Variants in MPP3 observed in about 807,000 individuals in gnomAD.
MPP3 encodes MAGUK p55 subfamily member 3.
Under a neutral mutation model 80.7 loss-of-function variants are expected in MPP3, and 48 were observed. That is an observed-to-expected ratio of 0.59 (90% CI 0.47 to 0.76). The LOEUF is 0.76. MPP3 is among the 30% of genes least tolerant of loss of function. The pLI is 0.00. For synonymous variants in MPP3, 311 were observed against 297.6 expected (o/e 1.04, Z -0.46); for missense variants, 620 against 763.0 (o/e 0.81, Z 2.21).
At position 43,831,608 on chromosome 17, in the gene MPP3, C is replaced by T. The variant is rs200393831; in HGVS notation, c.95G>A (p.Gly32Asp). Residue 32 changes from glycine (G) to aspartate (D), a missense_variant, in exon 4 of 20, where the codon GGC (glycine) becomes GAC (aspartate). Physicochemically the swap from Gly to Asp is moderately conservative, Grantham distance 94. Transcript: ENST00000398389. ...RPDSNHKEEM[G>D]FLRDVFSEKS... ...TTCACTGAAAACATCCCTCAGGAAG[C>T]CCATCTCCTCCTTGTGGTTGGAGTC... is the stretch of plus-strand genomic sequence containing the variant. 1.9e-6 allele frequency: 3 copies of T among 1,613,914 alleles called. No homozygotes were observed. Among genetic ancestry groups the T allele is most frequent in the African/African-American group, 2.7e-5 (2 of 75,024 alleles).
rs971682322 is a variant in MPP3 at position 43,832,366 on chromosome 17, C to A, written c.-38+395G>T. 18 of 207,228 alleles carry A rather than the reference C, an allele frequency of 8.7e-5. 1 individual carries two copies. The highest frequency in any genetic ancestry group is 4.3e-4 in the South Asian group (6 of 13,910). 12.8% of individuals were successfully genotyped at this position (207,228 alleles called of 1,614,324 possible). A position where few individuals can be genotyped will look rare whatever the true frequency, so the allele number is the denominator to read the frequency against. ...CGCAGCGCGCCCCCTCCACTGCAACCTTCTAAGAGCCCTGGCTCAAGTCTC... is the reference window on the plus strand; with the variant it reads ...CGCAGCGCGCCCCCTCCACTGCAACATTCTAAGAGCCCTGGCTCAAGTCTC... On this transcript the variant is annotated intron_variant, in intron 2 of 19. Coordinates refer to ENST00000398389, the MANE Select transcript of MPP3 (RefSeq NM_001932.6).
intron 19 of MPP3, among the ~76,000 whole-genome samples, chr17:43,804,497 A>G (rs2044534658): frequency 6.6e-6 from 1 of 152,228 alleles, no homozygotes. Context: ...CATGCAAAGA[A>G]TGAAGTTGGA....
intron 3 of MPP3, 28 bp from the exon 4 acceptor site, chr17:43,831,705 T>TA (rs757188887): frequency 1.3e-5 from 20 of 1,573,760 alleles, no homozygotes; most frequent in Non-Finnish European, 1.3e-5. Context: ...AAACAAAGGA[T>TA]AGCAAACGCA....
Position 43,832,055 on chromosome 17 carries a change from G to A in MPP3, c.-37-112C>T, listed in dbSNP as rs530986078. ...AGACCAGGCTGTGGACAGAGAGGAT[G>A]GGAACAAATAACTCTGCTTACTTTT... On this transcript the variant is annotated intron_variant, in intron 2 of 19. Coordinates refer to ENST00000398389, the MANE Select transcript of MPP3 (RefSeq NM_001932.6). The A allele has an allele frequency of 2.4e-4, 173 of 727,788 alleles. 2 individuals carry two copies. Among genetic ancestry groups the A allele is most frequent in the South Asian group, 2.2e-3 (139 of 62,736 alleles). The allele number at this position is 727,788 out of a possible 1,614,324, so 45.1% of individuals were successfully genotyped here.
At chr17:43,827,195 T>C (rs2045743717) in intron 8 of MPP3, among the ~76,000 whole-genome samples, 1 of 152,110 alleles carries the variant, frequency 6.6e-6, no homozygotes, top group Non-Finnish European at 1.5e-5. Flanking sequence ...TTTGTATTTT[T>C]AGTAGAGATG....
chr17:43,801,707 G>A lies in MPP3; in HGVS notation c.1752C>T (p.Val584=). The change falls in exon 20 of 20, where the codon GTC becomes GTT. Residue 584 remains valine (V), a synonymous_variant. Transcript: ENST00000398389. The part of the protein sequence containing the change: ...KDTHWVPVSW[V]R ...TGGATGTTCTGGGATAAAGTTACCT[G>A]ACCCAACTAACAGGTACCCAGTGAG... 1 of 1,614,000 alleles carries A rather than the reference G, an allele frequency of 6.2e-7. No individual in the cohort carries two copies. The highest frequency in any genetic ancestry group is 8.5e-7 in the Non-Finnish European group (1 of 1,179,944).
intron 5 of MPP3, among the ~76,000 whole-genome samples, 170 bp from the exon 6 acceptor site, chr17:43,830,277 C>G (rs2045904659): frequency 6.6e-6 from 1 of 152,194 alleles, no homozygotes; most frequent in South Asian, 2.1e-4. Context: ...GGGTCAGGAG[C>G]AGCTCTATGG....
At chr17:43,806,037 T>A (rs2044598133) in intron 19 of MPP3, among the ~76,000 whole-genome samples, 1 of 152,244 alleles carries the variant, frequency 6.6e-6, no homozygotes, top group Non-Finnish European at 1.5e-5. Flanking sequence ...GAGAATTGCC[T>A]TTAGCGTTTT....
rs1293536125 is a variant in MPP3 at position 43,829,527 on chromosome 17, G to C, written c.441+127C>G. ...GCACACAGAGGCACCACAGGGATGA[G>C]CAGCAGCGCAGGCAAAGCTGCCGTC... On this transcript the variant is annotated intron_variant, in intron 7 of 19. Transcript: ENST00000398389. 3 of 1,101,146 alleles carry C rather than the reference G, an allele frequency of 2.7e-6. No homozygotes were observed. The East Asian group carries it at 7.7e-5, about 28-fold the overall frequency. The allele number at this position is 1,101,146 out of a possible 1,614,324, so 68.2% of individuals were successfully genotyped here. A position where few individuals can be genotyped will look rare whatever the true frequency, so the allele number is the denominator to read the frequency against.
intron 8 of MPP3, among the ~76,000 whole-genome samples, chr17:43,826,577 G>A (rs1288550759): frequency 6.6e-6 from 1 of 152,144 alleles, no homozygotes; most frequent in Non-Finnish European, 1.5e-5. Context: ...TTGTCTCCCA[G>A]CTTAGTAGCT....
intron 11 of MPP3, 119 bp from the exon 12 acceptor site, chr17:43,818,229 A>G: frequency 2.4e-6 from 2 of 824,816 alleles, no homozygotes; most frequent in Non-Finnish European, 3.5e-6. Context: ...CACACACTGG[A>G]CACTCTGAGG....
chr17:43,814,399 C>T, intron 14 of MPP3, 38 bp from the exon 15 acceptor site: 2 of 1,555,058 alleles, frequency 1.3e-6, no homozygotes, highest in Middle Eastern at 1.7e-4. Context: ...TGGCATTTGT[C>T]CCAGTTGTCC....
chr17:43,820,639 C>CACAT (rs796095687), intron 11 of MPP3, among the ~76,000 whole-genome samples: 14 of 145,368 alleles, frequency 9.6e-5, no homozygotes, highest in Non-Finnish European at 1.5e-4. Flanking sequence ...CACACACACA[C>CACAT]ATTAACTTAA....
intron 18 of MPP3, among the ~76,000 whole-genome samples, chr17:43,810,437 G>A (rs1302951450): frequency 6.6e-6 from 1 of 152,054 alleles, no homozygotes; most frequent in African/African-American, 2.4e-5. Context: ...GGGAGGGGGA[G>A]GCCTGGCACC....
At chr17:43,805,623 A>G (rs1466027890) in intron 19 of MPP3, among the ~76,000 whole-genome samples, 2 of 152,250 alleles carry the variant, frequency 1.3e-5, no homozygotes, top group Non-Finnish European at 2.9e-5. Flanking sequence ...CCATAAAAAA[A>G]GAATGAAGTA....
intron 6 of MPP3, 78 bp from the exon 7 acceptor site, chr17:43,829,869 G>A: frequency 6.3e-7 from 1 of 1,599,596 alleles, no homozygotes; most frequent in Non-Finnish European, 8.5e-7. Context: ...CGGTGGTATG[G>A]AGGGTGGCAG....
At position 43,831,252 on chromosome 17, in the gene MPP3, C is replaced by T. The variant is rs375165115; in HGVS notation, c.214G>A (p.Ala72Thr). ...TPVLHSAVAL[A>T]EDVMEELQAA... ...AGAAACCTGGGGCTTACGTCCTCAG[C>T]GAGGGCCACAGCGCTGTGCAGAACT... Residue 72 changes from alanine to threonine, a missense_variant, in exon 5 of 20, where the codon GCT (alanine) becomes ACT (threonine). By Grantham distance (58) the Ala-to-Thr change is moderately conservative (BLOSUM62 0). Transcript: ENST00000398389. 14 of 1,613,872 alleles carry T rather than the reference C, an allele frequency of 8.7e-6. No individual in the cohort carries two copies. Among genetic ancestry groups the T allele is most frequent in the Middle Eastern group, 1.6e-4 (1 of 6,082 alleles).
intron 9 of MPP3, chr17:43,825,440 C>G (rs1384671441): frequency 3.7e-6 from 1 of 272,512 alleles, no homozygotes; most frequent in African/African-American, 2.2e-5. Context: ...GGTTGCACAG[C>G]TGGAAGGAGG....
intron 19 of MPP3, among the ~76,000 whole-genome samples, chr17:43,807,946 C>A (rs1229409593): frequency 6.6e-6 from 1 of 151,494 alleles, no homozygotes; most frequent in Non-Finnish European, 1.5e-5. Flanking sequence ...GGCAATACAG[C>A]AAGATCCTGT....
Sources: gnomAD v4.1 joint callset for allele counts (sites outside exome capture counted in the v4.1 genomes callset) on GRCh38, gnomAD v4.1.1 for gene constraint, MANE v1.5 for transcripts, NCBI Gene and HGNC (gene_info 2026-07-23, HGNC 2026-07-21) for gene names.